Variants in FER observed in about 807,000 individuals in gnomAD.
The protein encoded by FER is tyrosine-protein kinase Fer.
FER carries 63 observed loss-of-function variants against 111.0 expected under a neutral mutation model. That is an observed-to-expected ratio of 0.57 (90% confidence interval 0.46 to 0.70). The LOEUF (loss-of-function observed/expected upper bound fraction) is 0.70. FER is among the 30% of genes least tolerant of loss of function. The pLI, the probability that FER is intolerant of heterozygous loss-of-function variation, is 0.00. For synonymous variants in FER, 327 were observed against 313.9 expected (o/e 1.04, Z -0.44); for missense variants, 914 against 954.0 (o/e 0.96, Z 0.55).
chr5:109,040,344 A>AT (rs1770985305), intron 14 of FER, among the ~76,000 whole-genome samples: 1 of 152,136 alleles, frequency 6.6e-6, no homozygotes, highest in Non-Finnish European at 1.5e-5. Flanking sequence ...CCACTCGAAC[A>AT]TTAAGAGGTG....
At chr5:108,924,939 G>C in intron 10 of FER, 1 of 567,172 alleles carries the variant, frequency 1.8e-6, no homozygotes, top group Non-Finnish European at 2.6e-6. Flanking sequence ...AAATTCTTTT[G>C]AACAATGCTA....
intron 10 of FER, among the ~76,000 whole-genome samples, chr5:108,930,347 C>CTCT (rs1257046193): frequency 3.4e-5 from 1 of 29,326 alleles, no homozygotes; most frequent in Non-Finnish European, 7.2e-5. Context: ...CTCCCCTCCC[C>CTCT]GCCTCCCCTC....
intron 2 of FER, among the ~76,000 whole-genome samples, chr5:108,795,451 G>GTACTCAGCCCA (rs1755910307): frequency 2.2e-5 from 3 of 138,946 alleles, no homozygotes; most frequent in Non-Finnish European, 4.6e-5. Flanking sequence ...ACTCCAACCT[G>GTACTCAGCCCA]GGAGACAGAG....
chr5:109,022,561 A>G (rs1446096945), intron 13 of FER, among the ~76,000 whole-genome samples: 1 of 152,116 alleles, frequency 6.6e-6, no homozygotes, highest in Non-Finnish European at 1.5e-5. Context: ...TTGACTTGAT[A>G]TGTAAGTTTT....
intron 5 of FER, among the ~76,000 whole-genome samples, chr5:108,852,063 A>G (rs567678586): frequency 6.6e-6 from 1 of 152,222 alleles, no homozygotes; most frequent in Admixed American, 6.5e-5. Flanking sequence ...ATGATAAATA[A>G]AAGAATGCTA....
chr5:109,186,104 A>T (rs1758836165), intron 18 of FER, 96 bp from the exon 19 acceptor site: 1 of 1,523,684 alleles, frequency 6.6e-7, no homozygotes, highest in East Asian at 2.3e-5. Context: ...AAACATCATT[A>T]TGTGGTGCAT....
At position 108,976,566 on chromosome 5, in the gene FER, A is replaced by G. The variant is rs539984772; in HGVS notation, c.1656+17219A>G. Among the ~76,000 whole-genome samples, 3 of 152,310 alleles carry G rather than the reference A, an allele frequency of 2.0e-5. No individual in the cohort carries two copies. In the East Asian group the frequency reaches 5.8e-4, roughly 29 times the overall value. Reference sequence around the variant, plus strand: ...ACCCCCTGCATAGTCAAAAATCTGCATATGACTTTTGACTTCCCAGAAACA... The same window carrying G: ...ACCCCCTGCATAGTCAAAAATCTGCGTATGACTTTTGACTTCCCAGAAACA... On this transcript the variant is annotated intron_variant, in intron 13 of 19. Transcript: ENST00000281092.
At position 108,953,530 on chromosome 5, in the gene FER, T is replaced by G. The variant is rs147019504; in HGVS notation, c.1330-1199T>G. Among the ~76,000 whole-genome samples, 1,158 of 152,170 alleles carry G rather than the reference T, an allele frequency of 7.6e-3. 9 individuals carry two copies. The highest frequency in any genetic ancestry group is 0.027 in the African/African-American group (1,131 of 41,550). On this transcript the variant is annotated intron_variant, in intron 11 of 19. Transcript: ENST00000281092. Reference sequence around the variant, plus strand: ...TTCAAGTTTTTTATTGTTGTTTTGTTTTGTTCTTTTAACCAACAGAATGAG... The same window carrying G: ...TTCAAGTTTTTTATTGTTGTTTTGTGTTGTTCTTTTAACCAACAGAATGAG...
At chr5:109,158,374 G>C (rs934193365) in intron 17 of FER, among the ~76,000 whole-genome samples, 6 of 152,088 alleles carry the variant, frequency 3.9e-5, no homozygotes, top group African/African-American at 1.4e-4. Flanking sequence ...CTTCACTCCA[G>C]CCTGGGTGAC....
intron 17 of FER, among the ~76,000 whole-genome samples, chr5:109,107,355 G>C (rs1468293006): frequency 3.9e-5 from 6 of 151,988 alleles, no homozygotes; most frequent in African/African-American, 1.2e-4. Context: ...TTAGGCTCAG[G>C]GGGTACATGT....
chr5:109,122,966 A>G (rs945744608), intron 17 of FER, among the ~76,000 whole-genome samples: 2 of 151,942 alleles, frequency 1.3e-5, no homozygotes, highest in African/African-American at 4.8e-5. Flanking sequence ...TTTATGGATG[A>G]AGTGTTTTTC....
At chr5:109,187,149 A>ACTTAG (rs1758968336) in intron 19 of FER, among the ~76,000 whole-genome samples, 1 of 152,244 alleles carries the variant, frequency 6.6e-6, no homozygotes, top group South Asian at 2.1e-4. Flanking sequence ...GAAAGTGAAT[A>ACTTAG]CTTAGAGCAA....
chr5:109,074,417 A>G (rs1324883544), intron 16 of FER, among the ~76,000 whole-genome samples: 6 of 152,234 alleles, frequency 3.9e-5, no homozygotes, highest in Non-Finnish European at 7.3e-5. Context: ...TTGGGTCTCA[A>G]ATTAATTTCT....
At chr5:109,154,989 G>A (rs902689817) in intron 17 of FER, among the ~76,000 whole-genome samples, 14 of 151,840 alleles carry the variant, frequency 9.2e-5, no homozygotes, top group Non-Finnish European at 2.1e-4. Flanking sequence ...TGAGAAACCA[G>A]TGTGGGTTAA....
chr5:108,951,212 G>A (rs905450089), intron 11 of FER, among the ~76,000 whole-genome samples: 20 of 152,014 alleles, frequency 1.3e-4, no homozygotes, highest in Non-Finnish European at 2.5e-4. Flanking sequence ...TGCAGTGAGC[G>A]GAGATGACGC....
chr5:109,047,770 A>G (rs1012153225), intron 16 of FER, among the ~76,000 whole-genome samples: 6 of 152,142 alleles, frequency 3.9e-5, no homozygotes, highest in Non-Finnish European at 8.8e-5. Context: ...TAATAATCTC[A>G]CAATGCTTTG....
At chr5:108,817,688 G>C (rs1002210047) in intron 3 of FER, among the ~76,000 whole-genome samples, 1 of 152,106 alleles carries the variant, frequency 6.6e-6, no homozygotes, top group African/African-American at 2.4e-5. Context: ...TAAACTCAGA[G>C]CACTTAAATT....
intron 9 of FER, among the ~76,000 whole-genome samples, chr5:108,886,999 A>T (rs961405242): frequency 1.3e-5 from 2 of 151,666 alleles, no homozygotes; most frequent in African/African-American, 2.4e-5. Context: ...TATTGTGTAC[A>T]TGTGTATATA....
At chr5:108,846,030 T>C (rs1761994782) in intron 5 of FER, among the ~76,000 whole-genome samples, 1 of 152,180 alleles carries the variant, frequency 6.6e-6, no homozygotes, top group Non-Finnish European at 1.5e-5. Flanking sequence ...TTTGCTAAGT[T>C]TTTGTTTATA....
Sources: allele counts gnomAD v4.1 joint callset (sites outside exome capture counted in the v4.1 genomes callset), GRCh38; gene constraint gnomAD v4.1.1; transcripts MANE v1.5; gene names NCBI Gene and HGNC (gene_info 2026-07-23, HGNC 2026-07-21).